Variants in TGS1 observed in about 807,000 individuals in gnomAD.
TGS1 encodes the protein trimethylguanosine synthase 1.
In TGS1, 69 loss-of-function variants were observed where a neutral mutation model predicts 92.2. That is an observed-to-expected ratio of 0.75 (90% CI 0.62 to 0.91). TGS1 has a LOEUF of 0.91. TGS1 is among the 40% of genes least tolerant of loss of function. TGS1 has a pLI of 0.00. For synonymous variants in TGS1, 345 were observed against 338.1 expected, an observed-to-expected ratio of 1.02 and a Z score of -0.22; for missense variants, 1,062 against 1,001.2, an observed-to-expected ratio of 1.06 and a Z score of -0.82.
At chr8:55,774,557 TGTC>T (rs2130084283) in intron 1 of TGS1, among the ~76,000 whole-genome samples, 1 of 152,336 alleles carries the variant, frequency 6.6e-6, no homozygotes. Flanking sequence ...TAAAAAGTAT[TGTC>T]GCCTTTTTAG....
intron 12 of TGS1, among the ~76,000 whole-genome samples, chr8:55,817,522 A>G (rs1208894309): frequency 6.6e-6 from 1 of 152,220 alleles, no homozygotes; most frequent in Non-Finnish European, 1.5e-5. Context: ...ATAAAAATTT[A>G]TCACAGATTT....
intron 4 of TGS1, among the ~76,000 whole-genome samples, chr8:55,788,147 G>A (rs1335677560): frequency 6.6e-6 from 1 of 152,198 alleles, no homozygotes; most frequent in Non-Finnish European, 1.5e-5. Context: ...TGGGAGAGGA[G>A]GAAATTTCTG....
At chr8:55,815,769 A>G (rs1371773073) in intron 12 of TGS1, among the ~76,000 whole-genome samples, 3 of 151,972 alleles carry the variant, frequency 2.0e-5, no homozygotes, top group African/African-American at 7.3e-5. Flanking sequence ...TCAATCTTCT[A>G]TTCCTTTTTT....
At chr8:55,798,255 A>G (rs1000796225) in intron 7 of TGS1, among the ~76,000 whole-genome samples, 9 of 152,242 alleles carry the variant, frequency 5.9e-5, no homozygotes, top group Admixed American at 1.3e-4. Context: ...CAGGAAGGTC[A>G]TGAAGACAAG....
At chr8:55,803,871 A>G (rs1049268255) in intron 9 of TGS1, among the ~76,000 whole-genome samples, 5 of 151,762 alleles carry the variant, frequency 3.3e-5, no homozygotes, top group African/African-American at 1.2e-4. Context: ...TTTTGTAGAG[A>G]CAGGGTTTTG....
chr8:55,816,534 C>T (rs1803482840), intron 12 of TGS1, among the ~76,000 whole-genome samples: 1 of 152,154 alleles, frequency 6.6e-6, no homozygotes, highest in South Asian at 2.1e-4. Context: ...AGCGTTTGTA[C>T]TTTTCAGGTA....
chr8:55,783,052 T>C (rs1006522907), intron 2 of TGS1, among the ~76,000 whole-genome samples: 4 of 152,210 alleles, frequency 2.6e-5, no homozygotes, highest in Admixed American at 2.6e-4. Flanking sequence ...TTTTGCTGTG[T>C]GTAGTGTTCC....
intron 12 of TGS1, among the ~76,000 whole-genome samples, chr8:55,814,116 T>A (rs1803407926): frequency 6.6e-6 from 1 of 151,976 alleles, no homozygotes. Flanking sequence ...CCCAGCTAGT[T>A]TTTTTATTTT....
intron 10 of TGS1, among the ~76,000 whole-genome samples, chr8:55,807,978 A>G (rs182480956): frequency 6.6e-6 from 1 of 152,370 alleles, no homozygotes; most frequent in Admixed American, 6.5e-5. Flanking sequence ...GGAAAGCGTA[A>G]TATGATTTTG....
chr8:55,822,192 C>A (rs1236768099), intron 12 of TGS1, among the ~76,000 whole-genome samples: 1 of 151,708 alleles, frequency 6.6e-6, no homozygotes, highest in Non-Finnish European at 1.5e-5. Flanking sequence ...GCCTCAGCCT[C>A]CCGAATAGCT....
intron 1 of TGS1, among the ~76,000 whole-genome samples, chr8:55,774,477 C>G (rs1288159802): frequency 6.6e-6 from 1 of 152,162 alleles, no homozygotes; most frequent in Non-Finnish European, 1.5e-5. Flanking sequence ...TGAAGGAATT[C>G]ATTTTTCTCG....
intron 12 of TGS1, among the ~76,000 whole-genome samples, chr8:55,819,564 C>G (rs1421816977): frequency 6.6e-6 from 1 of 151,692 alleles, no homozygotes; most frequent in Non-Finnish European, 1.5e-5. Flanking sequence ...TCCCAAAGTT[C>G]TGGGATTACA....
intron 12 of TGS1, 117 bp from the exon 13 acceptor site, chr8:55,824,464 T>C: frequency 4.5e-6 from 6 of 1,333,128 alleles, no homozygotes; most frequent in Non-Finnish European, 6.2e-6. Context: ...AGATGCCTCA[T>C]TATTCAAAGG....
intron 1 of TGS1, among the ~76,000 whole-genome samples, chr8:55,776,825 CTT>C (rs1447420173): frequency 6.6e-6 from 1 of 152,304 alleles, no homozygotes; most frequent in East Asian, 1.9e-4. Context: ...CTTAACCAGA[CTT>C]TACACAGGCT....
rs577640087 is a variant in TGS1, at chr8:55,806,025, C to T, written c.2143+989C>T. On this transcript the variant is annotated intron_variant, in intron 10 of 12. Coordinates refer to ENST00000260129, the MANE Select transcript of TGS1 (RefSeq NM_024831.8). Reference sequence around the variant, plus strand: ...AGTGAGCTGTGATTGCACCACTGTGCTCTAGCTCGGGCAACAGAGTGAGAC... The same window carrying T: ...AGTGAGCTGTGATTGCACCACTGTGTTCTAGCTCGGGCAACAGAGTGAGAC... Among the ~76,000 whole-genome samples the T allele has an allele frequency of 1.3e-4, 19 of 151,298 alleles. 1 individual carries two copies. The South Asian group carries it at 4.0e-3, about 32-fold the overall frequency.
chr8:55,787,459 G>C (rs1372665472), intron 4 of TGS1, among the ~76,000 whole-genome samples: 1 of 152,116 alleles, frequency 6.6e-6, no homozygotes, highest in Non-Finnish European at 1.5e-5. Flanking sequence ...AATTCACTTA[G>C]GACAAGTGAA....
intron 7 of TGS1, among the ~76,000 whole-genome samples, chr8:55,797,486 T>C (rs577683234): frequency 6.6e-6 from 1 of 152,320 alleles, no homozygotes; most frequent in South Asian, 2.1e-4. Context: ...CTTTATATTA[T>C]AAGCTTTAAT....
intron 5 of TGS1, 45 bp downstream of exon 5, chr8:55,790,344 C>A: frequency 1.7e-6 from 2 of 1,177,536 alleles, no homozygotes; most frequent in African/African-American, 1.5e-5. Flanking sequence ...TTAGAGTAAG[C>A]ATTTGTATGC....
At chr8:55,787,399 T>C (rs530348576) in intron 4 of TGS1, among the ~76,000 whole-genome samples, 1 of 152,320 alleles carries the variant, frequency 6.6e-6, no homozygotes, top group Non-Finnish European at 1.5e-5. Flanking sequence ...TAGAAAGCAA[T>C]TGAGAATGTA....
Sources: gnomAD v4.1 joint callset for allele counts (sites outside exome capture counted in the v4.1 genomes callset) on GRCh38, gnomAD v4.1.1 for gene constraint, MANE v1.5 for transcripts, NCBI Gene and HGNC (gene_info 2026-07-23, HGNC 2026-07-21) for gene names.